Variants in RAB28 observed in about 807,000 individuals in gnomAD.
RAB28 encodes the protein RAB28, member RAS oncogene family.
RAB28 carries 24 observed loss-of-function variants against 31.7 expected under a neutral mutation model. The observed-to-expected ratio is 0.76, with a 90% confidence interval of 0.55 to 1.06. RAB28 has a LOEUF of 1.06. Ranked by LOEUF, RAB28 falls within the 50% of genes least tolerant of loss-of-function variation. RAB28 has a pLI of 0.00. For synonymous variants in RAB28, 100 were observed against 90.4 expected (o/e 1.11, Z -0.60); for missense variants, 254 against 258.5 (o/e 0.98, Z 0.12).
At chr4:13,465,902 G>A (rs1715820352) in intron 3 of RAB28, among the ~76,000 whole-genome samples, 2 of 151,496 alleles carry the variant, frequency 1.3e-5, no homozygotes, top group African/African-American at 4.8e-5. Context: ...TAATTAGAGA[G>A]TCCAGAAATG....
intron 4 of RAB28, among the ~76,000 whole-genome samples, chr4:13,394,170 G>A (rs1729772566): frequency 6.6e-6 from 1 of 152,078 alleles, no homozygotes; most frequent in African/African-American, 2.4e-5. Context: ...ATTTTACATA[G>A]GATAGCCATG....
intron 6 of RAB28, chr4:13,370,753 C>T: frequency 2.0e-6 from 2 of 984,658 alleles, no homozygotes; most frequent in Non-Finnish European, 2.4e-6. Flanking sequence ...CAAACAAGTT[C>T]AAAATGCAGT....
chr4:13,368,527 C>A lies in RAB28; in HGVS notation c.*31G>T. On this transcript the variant is annotated 3_prime_UTR_variant, in exon 7 of 7. Transcript: ENST00000330852. The stretch of plus-strand genomic sequence containing the variant: ...GGGCCCACCCAGAGGTGAAGGGCAG[C>A]CAGAACTATCAACACAAAAGAAAAA... The A allele has an allele frequency of 6.3e-7, 1 of 1,590,140 alleles. No homozygotes were observed. The highest frequency in any genetic ancestry group is 8.5e-7 in the Non-Finnish European group (1 of 1,169,920).
chr4:13,408,393 G>A (rs1192437005), intron 4 of RAB28, among the ~76,000 whole-genome samples: 3 of 152,184 alleles, frequency 2.0e-5, no homozygotes, highest in African/African-American at 7.2e-5. Context: ...GCTCTTAGAT[G>A]TGCTGCTGGA....
At chr4:13,422,524 T>C (rs1270182973) in intron 4 of RAB28, among the ~76,000 whole-genome samples, 1 of 151,870 alleles carries the variant, frequency 6.6e-6, no homozygotes, top group African/African-American at 2.4e-5. Flanking sequence ...ATAGACCAGA[T>C]TAAGAAAATG....
At chr4:13,432,804 C>T (rs1713883435) in intron 4 of RAB28, among the ~76,000 whole-genome samples, 1 of 151,782 alleles carries the variant, frequency 6.6e-6, no homozygotes. Flanking sequence ...ACATAGAAAC[C>T]AAAGAACAAT....
At chr4:13,390,454 T>C (rs943369164) in intron 4 of RAB28, among the ~76,000 whole-genome samples, 1 of 151,944 alleles carries the variant, frequency 6.6e-6, no homozygotes, top group Admixed American at 6.6e-5. Context: ...TGCTCAGGGA[T>C]AGGAAGAATC....
intron 4 of RAB28, among the ~76,000 whole-genome samples, chr4:13,401,359 A>G (rs1440784190): frequency 6.6e-6 from 1 of 152,154 alleles, no homozygotes; most frequent in Non-Finnish European, 1.5e-5. Flanking sequence ...GGGGAAAATC[A>G]CATACCATGG....
At chr4:13,474,588 G>A (rs527758139) in intron 2 of RAB28, among the ~76,000 whole-genome samples, 182 bp from the exon 3 acceptor site, 21 of 151,540 alleles carry the variant, frequency 1.4e-4, no homozygotes, top group Non-Finnish European at 2.4e-4. Flanking sequence ...AAATTATAGT[G>A]GGGAATCTAG....
At chr4:13,461,534 T>C (rs1362731902) in intron 3 of RAB28, among the ~76,000 whole-genome samples, 1 of 152,242 alleles carries the variant, frequency 6.6e-6, no homozygotes, top group African/African-American at 2.4e-5. Flanking sequence ...ACACTACATA[T>C]AGTTTTTTGA....
chr4:13,398,115 G>C (rs918514120), intron 4 of RAB28, among the ~76,000 whole-genome samples: 1 of 152,166 alleles, frequency 6.6e-6, no homozygotes, highest in Non-Finnish European at 1.5e-5. Flanking sequence ...CCTCAGGTTA[G>C]AGGAAATAAT....
chr4:13,395,492 C>T (rs963743932), intron 4 of RAB28, among the ~76,000 whole-genome samples: 1 of 151,940 alleles, frequency 6.6e-6, no homozygotes. Context: ...TACACTTTGA[C>T]TTCTAAAACA....
intron 6 of RAB28, among the ~76,000 whole-genome samples, 170 bp from the exon 7 acceptor site, chr4:13,368,820 A>ATTT (rs200326808): frequency 6.7e-5 from 10 of 149,074 alleles, no homozygotes; most frequent in African/African-American, 9.8e-5. Context: ...CAAAGAGTGG[A>ATTT]TTTTTTTTTT....
chr4:13,480,193 G>A (rs1398402786), intron 1 of RAB28, among the ~76,000 whole-genome samples: 8 of 151,758 alleles, frequency 5.3e-5, no homozygotes, highest in African/African-American at 1.7e-4. Context: ...AACCAGAACA[G>A]ATATACATTT....
At chr4:13,399,761 T>G (rs1421300128) in intron 4 of RAB28, among the ~76,000 whole-genome samples, 1 of 152,208 alleles carries the variant, frequency 6.6e-6, no homozygotes, top group Non-Finnish European at 1.5e-5. Flanking sequence ...CGAACGGCCT[T>G]TTTCTTGTAG....
intron 4 of RAB28, among the ~76,000 whole-genome samples, chr4:13,411,031 C>G (rs1712413770): frequency 6.6e-6 from 1 of 151,870 alleles, no homozygotes; most frequent in Admixed American, 6.6e-5. Context: ...TAAAAAAGAT[C>G]CAAACAACAT....
chr4:13,411,932 T>C (rs958237896), intron 4 of RAB28, among the ~76,000 whole-genome samples: 4 of 151,652 alleles, frequency 2.6e-5, no homozygotes, highest in African/African-American at 7.3e-5. Flanking sequence ...CTTTTATCTA[T>C]ATAAATTATG....
chr4:13,467,847 A>T (rs932599006), intron 3 of RAB28, among the ~76,000 whole-genome samples: 1 of 152,002 alleles, frequency 6.6e-6, no homozygotes, highest in African/African-American at 2.4e-5. Flanking sequence ...AAAGGAGATG[A>T]GAAAACAAGA....
intron 4 of RAB28, among the ~76,000 whole-genome samples, chr4:13,432,440 C>T (rs778406662): frequency 1.6e-4 from 25 of 152,114 alleles, no homozygotes; most frequent in Non-Finnish European, 3.5e-4. Context: ...ATTAAGAGAA[C>T]TCTTGGGAGA....
Sources: gnomAD v4.1 joint callset for allele counts (sites outside exome capture counted in the v4.1 genomes callset) on GRCh38, gnomAD v4.1.1 for gene constraint, MANE v1.5 for transcripts, NCBI Gene and HGNC (gene_info 2026-07-23, HGNC 2026-07-21) for gene names.